Variants in CACNA1C observed in about 807,000 individuals in gnomAD.
CACNA1C encodes calcium voltage-gated channel subunit alpha1 C.
A neutral mutation model predicts 229.0 loss-of-function variants in CACNA1C; 30 were observed. The observed-to-expected ratio is 0.13, with a 90% CI of 0.10 to 0.18. CACNA1C has a LOEUF of 0.18. Ranked by LOEUF, CACNA1C falls within the 10% of genes least tolerant of loss-of-function variation. The pLI is 1.00. For missense variants in CACNA1C, 1,658 were observed against 2,845.0 expected, an observed-to-expected ratio of 0.58 and a Z score of 9.49; for synonymous variants, 1,114 against 1,132.5, an observed-to-expected ratio of 0.98 and a Z score of 0.33.
At chr12:2,613,098 G>A (rs2238091) in intron 29 of CACNA1C, 8,813 of 152,230 alleles carry the variant, frequency 0.058, 377 homozygotes, top group East Asian at 0.12. Flanking sequence ...AGATTAATTG[G>A]GGGTGGGGGA....
intron 1 of CACNA1C, among the ~76,000 whole-genome samples, chr12:2,043,497 C>T (rs2050504732): frequency 1.3e-5 from 2 of 152,134 alleles, no homozygotes; most frequent in African/African-American, 2.4e-5. Context: ...TGAAACAGGT[C>T]TTCCATCTCC....
chr12:2,071,813 A>G (rs997919580), intron 1 of CACNA1C, among the ~76,000 whole-genome samples: 1 of 152,102 alleles, frequency 6.6e-6, no homozygotes, highest in African/African-American at 2.4e-5. Flanking sequence ...CAAATATTTT[A>G]GTTTTTTCAT....
intron 3 of CACNA1C, among the ~76,000 whole-genome samples, chr12:2,364,230 A>ATG (rs1018777448): frequency 1.3e-5 from 2 of 152,200 alleles, no homozygotes; most frequent in Non-Finnish European, 2.9e-5. Flanking sequence ...CTCTAGGTGA[A>ATG]TGCCTATAAG....
intron 11 of CACNA1C, among the ~76,000 whole-genome samples, chr12:2,560,339 T>C (rs2046790952): frequency 6.6e-6 from 1 of 152,236 alleles, no homozygotes; most frequent in Non-Finnish European, 1.5e-5. Context: ...AAACTGGCCT[T>C]TTCCTTTGCA....
intron 3 of CACNA1C, among the ~76,000 whole-genome samples, chr12:2,229,626 G>A (rs551783553): frequency 7.2e-5 from 11 of 152,256 alleles, no homozygotes; most frequent in African/African-American, 2.4e-4. Context: ...TAAATAAGAC[G>A]ATGAGGGAAG....
intron 5 of CACNA1C, among the ~76,000 whole-genome samples, chr12:2,469,302 G>A (rs181145809): frequency 5.3e-5 from 8 of 152,318 alleles, no homozygotes; most frequent in African/African-American, 1.9e-4. Flanking sequence ...ACATGCCATT[G>A]ATCAAGAGCA....
At chr12:2,188,159 C>A (rs1450266086) in intron 3 of CACNA1C, among the ~76,000 whole-genome samples, 4 of 152,222 alleles carry the variant, frequency 2.6e-5, no homozygotes, top group Non-Finnish European at 5.9e-5. Flanking sequence ...CTTAAGGCCT[C>A]TGAAGTCCCA....
intron 9 of CACNA1C, among the ~76,000 whole-genome samples, chr12:2,530,861 A>AAC (rs1385204142): frequency 1.3e-5 from 2 of 152,188 alleles, no homozygotes; most frequent in Non-Finnish European, 1.5e-5. Flanking sequence ...CCCCAGAGGG[A>AAC]ACACGGCTAA....
At chr12:2,687,722 A>G (rs2097580911) in intron 45 of CACNA1C, among the ~76,000 whole-genome samples, 3 of 152,246 alleles carry the variant, frequency 2.0e-5, no homozygotes, top group Admixed American at 6.5e-5. Context: ...CATTTGTAGT[A>G]GAGACTGGGT....
At chr12:2,191,573 T>C (rs983261098) in intron 3 of CACNA1C, among the ~76,000 whole-genome samples, 1 of 151,944 alleles carries the variant, frequency 6.6e-6, no homozygotes, top group Non-Finnish European at 1.5e-5. Context: ...CACTCACATG[T>C]ACTCAAGCAT....
chr12:2,266,779 G>A (rs951377614), intron 3 of CACNA1C, among the ~76,000 whole-genome samples: 1 of 152,210 alleles, frequency 6.6e-6, no homozygotes, highest in Non-Finnish European at 1.5e-5. Flanking sequence ...CAGAGGCCAT[G>A]GGACACAGAG....
rs2053392454 is a variant in CACNA1C at position 2,053,950 on chromosome 12, C to T, written c.49+339C>T. Among the ~76,000 whole-genome samples, 1 of 149,666 alleles carries T rather than the reference C, an allele frequency of 6.7e-6. No individual in the cohort carries two copies. The highest frequency in any genetic ancestry group is 2.4e-5 in the African/African-American group (1 of 41,204). ...CGCGTCCGCCTGGAGAGCCCGGCTG[C>T]CTGGCCAGCCGCGCGGGGGGCAGAG... On this transcript the variant is annotated intron_variant, in intron 1 of 46. Transcript: ENST00000399655. This position sits in a 1 kb window ranked among gnomAD's most constrained non-coding sequence, Gnocchi z 5.8.
intron 13 of CACNA1C, among the ~76,000 whole-genome samples, chr12:2,578,097 T>C (rs1345123789): frequency 6.6e-6 from 1 of 152,020 alleles, no homozygotes; most frequent in Non-Finnish European, 1.5e-5. Context: ...CTCGATCTCC[T>C]GACCTCGTGA....
intron 1 of CACNA1C, among the ~76,000 whole-genome samples, chr12:2,065,738 C>T (rs11062098): frequency 0.094 from 14,267 of 152,164 alleles, 777 homozygotes; most frequent in South Asian, 0.15. Flanking sequence ...GTGACTGAGC[C>T]GTCCCTTGAA....
intron 11 of CACNA1C, among the ~76,000 whole-genome samples, chr12:2,562,162 G>A (rs977504981): frequency 6.9e-5 from 9 of 130,466 alleles, no homozygotes; most frequent in Middle Eastern, 4.4e-3. Context: ...TGTCCACTCC[G>A]GCCACTCCTC....
intron 3 of CACNA1C, among the ~76,000 whole-genome samples, chr12:2,343,009 T>A (rs1027991632): frequency 6.6e-6 from 1 of 152,222 alleles, no homozygotes; most frequent in African/African-American, 2.4e-5. Context: ...ATTTGCTGAT[T>A]AAAAGAGAAA....
rs216032 is a variant in CACNA1C, at chr12:2,647,829, C to G, written c.3913-646C>G. Among the ~76,000 whole-genome samples, 1 of 151,892 alleles carries G rather than the reference C, an allele frequency of 6.6e-6. No homozygotes were observed. The highest frequency in any genetic ancestry group is 1.5e-5 in the Non-Finnish European group (1 of 67,982). On this transcript the variant is annotated intron_variant, in intron 30 of 46. Coordinates refer to ENST00000399655, the MANE Select transcript of CACNA1C (RefSeq NM_000719.7). This position sits in a 1 kb window ranked among gnomAD's most constrained non-coding sequence, Gnocchi z 4.2. ...TAGGTTAACAATGGCTAATAAAAAACAAATTAAAACAGGCTTGGCACAGTG... is the reference window on the plus strand; with the variant it reads ...TAGGTTAACAATGGCTAATAAAAAAGAAATTAAAACAGGCTTGGCACAGTG...
At chr12:2,497,483 A>T (rs930299931) in intron 7 of CACNA1C, among the ~76,000 whole-genome samples, 17 of 152,254 alleles carry the variant, frequency 1.1e-4, no homozygotes, top group Admixed American at 5.9e-4. Flanking sequence ...GCTCTTTAGG[A>T]ATCTCAATGC....
intron 3 of CACNA1C, among the ~76,000 whole-genome samples, chr12:2,324,207 C>T (rs2096170453): frequency 6.6e-6 from 1 of 152,150 alleles, no homozygotes; most frequent in African/African-American, 2.4e-5. Context: ...CCTCAAAAGC[C>T]CGGGGGATGG....
Sources: gnomAD v4.1 joint callset for allele counts (sites outside exome capture counted in the v4.1 genomes callset) on GRCh38, gnomAD v4.1.1 for gene constraint, Gnocchi (gnomAD v3.1) non-coding constraint, MANE v1.5 for transcripts, NCBI Gene and HGNC (gene_info 2026-07-23, HGNC 2026-07-21) for gene names.